PCDH15: variants seen among roughly 807,000 people sequenced by gnomAD.
The protein encoded by PCDH15 is protocadherin related 15, also known as protocadherin-15.
PCDH15 carries 129 observed loss-of-function variants against 178.5 expected under a neutral mutation model. The ratio of observed to expected loss-of-function variants is 0.72; its 90% confidence interval spans 0.63 to 0.84. PCDH15 has a LOEUF of 0.84. Among genes scored for constraint, PCDH15 ranks in the 40% least tolerant of loss-of-function variants. PCDH15 has a pLI of 0.00. For missense variants in PCDH15, 2,230 were observed against 2,099.9 expected, an observed-to-expected ratio of 1.06 and a Z score of -1.21; for synonymous variants, 800 against 732.0, an observed-to-expected ratio of 1.09 and a Z score of -1.50.
At chr10:55,259,888 G>A (rs1239576145) in intron 1 of PCDH15, among the ~76,000 whole-genome samples, 3 of 89,230 alleles carry the variant, frequency 3.4e-5, no homozygotes, top group African/African-American at 1.4e-4. Flanking sequence ...GGCAACAAGA[G>A]CAAAACTCCG....
At chr10:53,972,613 T>C (rs907666059) in intron 21 of PCDH15, among the ~76,000 whole-genome samples, 1 of 151,986 alleles carries the variant, frequency 6.6e-6, no homozygotes, top group Non-Finnish European at 1.5e-5. Context: ...AACAACCCCA[T>C]CAAAAAGTGG....
chr10:54,484,757 GA>G (rs1462369443), intron 3 of PCDH15, among the ~76,000 whole-genome samples: 1 of 151,638 alleles, frequency 6.6e-6, no homozygotes, highest in Non-Finnish European at 1.5e-5. Context: ...CAAGGAGTTG[GA>G]AAAAAATTAA....
intron 2 of PCDH15, among the ~76,000 whole-genome samples, chr10:54,916,356 C>G (rs139051246): frequency 6.6e-6 from 1 of 152,232 alleles, no homozygotes; most frequent in Non-Finnish European, 1.5e-5. Flanking sequence ...TCAGCTTTCT[C>G]TTTTTAGTGA....
intron 4 of PCDH15, among the ~76,000 whole-genome samples, chr10:54,373,714 G>C (rs1232527388): frequency 6.6e-6 from 1 of 151,874 alleles, no homozygotes; most frequent in Non-Finnish European, 1.5e-5. Flanking sequence ...CTGATATGAG[G>C]TGATCATAAA....
At chr10:55,205,971 G>C (rs1857443) in intron 1 of PCDH15, among the ~76,000 whole-genome samples, 143,383 of 151,932 alleles carry the variant, frequency 0.94, 67,690 homozygotes, top group Admixed American at 0.95. Context: ...TATCAGATCT[G>C]GTGAGATCCA....
intron 21 of PCDH15, among the ~76,000 whole-genome samples, chr10:53,970,574 C>A (rs1272737099): frequency 6.6e-6 from 1 of 151,770 alleles, no homozygotes; most frequent in Non-Finnish European, 1.5e-5. Context: ...AGAGAAGAAT[C>A]AAATAGACAC....
At chr10:53,934,905 C>A (rs2085431548) in intron 25 of PCDH15, among the ~76,000 whole-genome samples, 1 of 149,442 alleles carries the variant, frequency 6.7e-6, no homozygotes. Flanking sequence ...AACTTGTGGC[C>A]AGTAACACCA....
chr10:55,333,867 A>T (rs557771355), intron 2 of PCDH15, among the ~76,000 whole-genome samples: 119 of 152,014 alleles, frequency 7.8e-4, no homozygotes, highest in African/African-American at 2.7e-3. Flanking sequence ...TTTTGTATGG[A>T]ACTAGTCTTA....
chr10:55,526,789 T>C (rs1565224408), intron 2 of PCDH15, among the ~76,000 whole-genome samples: 1 of 152,084 alleles, frequency 6.6e-6, no homozygotes, highest in South Asian at 2.1e-4. Flanking sequence ...GGAACACTTG[T>C]AGAATTCAAA....
chr10:55,391,267 T>C (rs930991647), intron 2 of PCDH15, among the ~76,000 whole-genome samples: 2 of 151,798 alleles, frequency 1.3e-5, no homozygotes, highest in Admixed American at 6.6e-5. Context: ...TTTAACCTCA[T>C]GAACCAACCT....
chr10:53,984,155 T>TA, intron 21 of PCDH15, among the ~76,000 whole-genome samples: 1 of 115,134 alleles, frequency 8.7e-6, no homozygotes, highest in Non-Finnish European at 1.9e-5. Flanking sequence ...TTTCTTTTTT[T>TA]TTTTTTTTTT....
At chr10:54,158,921 C>G (rs775456387) in intron 13 of PCDH15, among the ~76,000 whole-genome samples, 7 of 151,944 alleles carry the variant, frequency 4.6e-5, no homozygotes, top group Non-Finnish European at 1.0e-4. Flanking sequence ...TCCTGGCTAA[C>G]ACGGTGAAAC....
intron 2 of PCDH15, among the ~76,000 whole-genome samples, chr10:54,529,723 C>A (rs2132702537): frequency 6.6e-6 from 1 of 152,174 alleles, no homozygotes; most frequent in East Asian, 1.9e-4. Flanking sequence ...CATATTTGCA[C>A]CTAGTGCGAA....
At chr10:54,283,168 AT>A (rs1314292633) in intron 8 of PCDH15, among the ~76,000 whole-genome samples, 2 of 152,126 alleles carry the variant, frequency 1.3e-5, no homozygotes, top group East Asian at 3.9e-4. Context: ...CCACAGCTCC[AT>A]TCCATTACTA....
At chr10:54,567,499 A>G in intron 2 of PCDH15, among the ~76,000 whole-genome samples, 1 of 152,256 alleles carries the variant, frequency 6.6e-6, no homozygotes, top group East Asian at 1.9e-4. Flanking sequence ...TTTTTTATCA[A>G]TGCTTTTAGC....
intron 3 of PCDH15, among the ~76,000 whole-genome samples, chr10:54,415,483 C>A (rs1827908404): frequency 6.6e-6 from 1 of 151,930 alleles, no homozygotes; most frequent in South Asian, 2.1e-4. Context: ...AATAAATATT[C>A]CATGTTGTCA....
intron 1 of PCDH15, among the ~76,000 whole-genome samples, chr10:55,204,223 TTTAA>T (rs1292184370): frequency 6.7e-6 from 1 of 149,510 alleles, no homozygotes; most frequent in Non-Finnish European, 1.5e-5. Context: ...GTTTTAAATA[TTTAA>T]TATATTCAAG....
At chr10:54,583,153 A>G (rs2091186487) in intron 2 of PCDH15, among the ~76,000 whole-genome samples, 1 of 152,086 alleles carries the variant, frequency 6.6e-6, no homozygotes, top group African/African-American at 2.4e-5. Flanking sequence ...ACCCCTAAAC[A>G]GTATATAGTT....
At chr10:53,914,706 A>G (rs2083402522) in intron 25 of PCDH15, among the ~76,000 whole-genome samples, 1 of 152,194 alleles carries the variant, frequency 6.6e-6, no homozygotes. Flanking sequence ...TGGCACATGT[A>G]TACCTATGTA....
Sources: allele counts gnomAD v4.1 joint callset (sites outside exome capture counted in the v4.1 genomes callset), GRCh38; gene constraint gnomAD v4.1.1; transcripts MANE v1.5; gene names NCBI Gene and HGNC (gene_info 2026-07-23, HGNC 2026-07-21).